The following PARP10 variants were observed in gnomAD, a reference collection of about 807,000 sequenced individuals.
The protein encoded by PARP10 is protein mono-ADP-ribosyltransferase PARP10.
Under a neutral mutation model 82.4 loss-of-function variants are expected in PARP10, and 56 were observed. The ratio of observed to expected loss-of-function variants is 0.68; its 90% CI spans 0.55 to 0.85. PARP10 has a LOEUF of 0.85. PARP10 is among the 40% of genes least tolerant of loss of function. PARP10 has a pLI of 0.00. For synonymous variants in PARP10, 576 were observed against 601.1 expected, an observed-to-expected ratio of 0.96 and a Z score of 0.61; for missense variants, 1,227 against 1,379.4, an observed-to-expected ratio of 0.89 and a Z score of 1.75.
chr8:143,986,796 C>G (rs1833999588), upstream of PARP10: 1 of 258,634 alleles, frequency 3.9e-6, no homozygotes, highest in Admixed American at 5.0e-5. Context: ...GATCTCCAAG[C>G]CTCTGTGTCC....
chr8:143,994,039 G>A (rs1332249966), upstream of PARP10, among the ~76,000 whole-genome samples: 3 of 152,218 alleles, frequency 2.0e-5, no homozygotes, highest in Non-Finnish European at 4.4e-5. Flanking sequence ...TCCATTGCCT[G>A]GGACCTGGCT....
intron 1 of PARP10, among the ~76,000 whole-genome samples, chr8:143,997,729 G>C (rs1834173364): frequency 6.6e-6 from 1 of 151,654 alleles, no homozygotes; most frequent in Admixed American, 6.6e-5. Context: ...TTTTTTCCCA[G>C]CAGTAACTGA....
upstream of PARP10, chr8:143,991,945 C>T (rs200050797): frequency 8.1e-6 from 13 of 1,613,632 alleles, no homozygotes; most frequent in Middle Eastern, 1.7e-4. Context: ...ACTTTTGTTG[C>T]GGAGGTGAAG....
intron 9 of PARP10, among the ~76,000 whole-genome samples, chr8:143,980,319 CAAAAAAAAAAAAA>C (rs564801582): frequency 1.7e-3 from 27 of 16,094 alleles, no homozygotes; most frequent in Middle Eastern, 0.071. Flanking sequence ...GATTCCGTCT[CAAAAAAAAAAAAA>C]AAAAAAAAAA....
chr8:143,986,047 C>T lies in PARP10; in HGVS notation c.181+8G>A. On this transcript the variant is annotated splice_region_variant and intron_variant, in intron 2 of 10. Coordinates refer to ENST00000313028, the MANE Select transcript of PARP10 (RefSeq NM_032789.5). Reference sequence around the variant, plus strand: ...CACCCAGGCTGTCCCTTCAGCCAGCCCTCTCACCTGCAGGCTCTCTGAAGG... The same window carrying T: ...CACCCAGGCTGTCCCTTCAGCCAGCTCTCTCACCTGCAGGCTCTCTGAAGG... 1.2e-6 allele frequency: 2 copies of T among 1,612,358 alleles called. No homozygotes were observed. Among genetic ancestry groups the T allele is most frequent in the Non-Finnish European group, 1.7e-6 (2 of 1,178,662 alleles).
chr8:143,991,703 G>A (rs1269245340), upstream of PARP10: 2 of 1,612,668 alleles, frequency 1.2e-6, no homozygotes, highest in African/African-American at 2.7e-5. Context: ...ACCCCAGCAT[G>A]GAAACTACCA....
chr8:143,988,584 G>GC (rs781476530), upstream of PARP10, among the ~76,000 whole-genome samples: 7 of 151,490 alleles, frequency 4.6e-5, no homozygotes, highest in South Asian at 2.1e-4. Flanking sequence ...TCCTGCCTCA[G>GC]CCCCCCCAAT....
At position 143,999,097 on chromosome 8, in the gene PARP10, A is replaced by G. The variant is rs1045512508; in HGVS notation, c.-79-12659T>C. The stretch of plus-strand genomic sequence containing the variant: ...GTCTCTGTTGACCATGCTGGAGTAC[A>G]GCGGCACAGTCATGGCTCACTGCAG... On this transcript the variant is annotated intron_variant, in intron 1 of 3. Coordinates refer to the PARP10 transcript ENST00000530478. 2.9e-4 allele frequency among the ~76,000 whole-genome samples: 43 copies of G among 150,840 alleles called. 1 individual carries two copies. The highest frequency in any genetic ancestry group is 8.6e-4 in the African/African-American group (35 of 40,888).
At position 143,985,209 on chromosome 8, in the gene PARP10, G is replaced by C. The variant is rs1449978166; in HGVS notation, c.793C>G (p.Pro265Ala). 6.2e-7 allele frequency: 1 copy of C among 1,614,122 alleles called. No homozygotes were observed. The highest frequency in any genetic ancestry group is 2.2e-5 in the East Asian group (1 of 44,878). Residue 265 changes from proline to alanine, a missense_variant, in exon 5 of 11, where the codon CCG (proline) becomes GCG (alanine). Physicochemically the swap from Pro to Ala is conservative, Grantham distance 27. Transcript: ENST00000313028. ...GTAGCCCTAGGCCCCTGGGTGGACG[G>C]GTGGTCCCCTCCACTGGTGTTCTCA... ...LAENTSGGDHPSTQGPRATKH... is the reference protein window; with the variant it reads ...LAENTSGGDHASTQGPRATKH...
At position 143,985,011 on chromosome 8, in the gene PARP10, A is replaced by G. The variant is rs200095253; in HGVS notation, c.991T>C (p.Ser331Pro). The G allele has an allele frequency of 7.6e-5, 122 of 1,613,750 alleles. No individual in the cohort carries two copies. Among genetic ancestry groups the G allele is most frequent in the Non-Finnish European group, 1.0e-4 (119 of 1,179,976 alleles). Residue 331 changes from serine to proline, a missense_variant, in exon 5 of 11, where the codon TCA (serine) becomes CCA (proline). Transcript: ENST00000313028. ...TTGSGQEPGQ[S>P]GTSLRTGPMG... ...GGACCTGTCCTCAGAGAGGTCCCTG[A>G]CTGCCCTGGTTCCTGGCCAGAGCCT...
Position 143,985,209 on chromosome 8 carries a change from G to T in PARP10, c.793C>A (p.Pro265Thr), listed in dbSNP as rs1449978166. The change falls in exon 5 of 11, where the codon CCG (proline) becomes ACG (threonine). Residue 265 changes from proline (P) to threonine (T), a missense_variant. Physicochemically the swap from Pro to Thr is conservative, Grantham distance 38. Transcript: ENST00000313028. ...LAENTSGGDH[P>T]STQGPRATKH... ...GTAGCCCTAGGCCCCTGGGTGGACG[G>T]GTGGTCCCCTCCACTGGTGTTCTCA... The T allele has an allele frequency of 3.7e-6, 6 of 1,614,004 alleles. No homozygotes were observed. Among genetic ancestry groups the T allele is most frequent in the Non-Finnish European group, 5.1e-6 (6 of 1,180,036 alleles).
chr8:143,992,305 G>A (rs1285614418), upstream of PARP10: 4 of 1,589,132 alleles, frequency 2.5e-6, no homozygotes, highest in Admixed American at 1.7e-5. Flanking sequence ...CTACAACACC[G>A]AGGCAGTCAT....
Position 143,984,297 on chromosome 8 carries a change from G to T in PARP10, c.1593C>A (p.His531Gln). Residue 531 changes from histidine to glutamine, a missense_variant, in exon 6 of 11, where the codon CAC becomes CAA. By Grantham distance (24) the His-to-Gln change is conservative. Transcript: ENST00000313028. ...ACTGAGCCTCCAGCCCCTGGAGAAGGTGCTGCCCTTCTGGGCCCAGGAGAA... is the reference window on the plus strand; with the variant it reads ...ACTGAGCCTCCAGCCCCTGGAGAAGTTGCTGCCCTTCTGGGCCCAGGAGAA... ...ARFLLGPEGQ[H>Q]LLQGLEAQFQ... The T allele has an allele frequency of 6.2e-7, 1 of 1,614,048 alleles. No homozygotes were observed. Among genetic ancestry groups the T allele is most frequent in the East Asian group, 2.2e-5 (1 of 44,880 alleles).
upstream of PARP10, among the ~76,000 whole-genome samples, chr8:143,994,449 G>A (rs1057240945): frequency 4.6e-5 from 7 of 152,000 alleles, no homozygotes; most frequent in South Asian, 2.1e-4. Flanking sequence ...TGCACTACCC[G>A]CCTGCCTAAA....
upstream of PARP10, chr8:143,992,482 C>A: frequency 6.2e-7 from 1 of 1,614,162 alleles, no homozygotes; most frequent in South Asian, 1.1e-5. Flanking sequence ...ACGACTTCAC[C>A]TCATGCATGG....
At chr8:143,996,561 T>G (rs1025129236) in intron 1 of PARP10, among the ~76,000 whole-genome samples, 79 of 152,294 alleles carry the variant, frequency 5.2e-4, no homozygotes, top group African/African-American at 1.6e-3. Flanking sequence ...CTCTGTGAGT[T>G]TTAACATCCA....
rs1324064790 is a variant in PARP10 at position 143,977,452 on chromosome 8, G to A, written c.*32C>T. 7 of 1,495,342 alleles carry A rather than the reference G, an allele frequency of 4.7e-6. No homozygotes were observed. In the African/African-American group the frequency reaches 9.7e-5, roughly 21 times the overall value. The allele number at this position is 1,495,342 out of a possible 1,614,324, so 92.6% of individuals were successfully genotyped here. On this transcript the variant is annotated 3_prime_UTR_variant, in exon 11 of 11. Transcript: ENST00000313028. Reference sequence around the variant, plus strand: ...CAGCCTGTGCGGAGCTGGGAGCCTGGGAAGCAGGAGGCCAGAGGGTGGCCC... The same window carrying A: ...CAGCCTGTGCGGAGCTGGGAGCCTGAGAAGCAGGAGGCCAGAGGGTGGCCC...
At chr8:143,993,952 G>A (rs782040137), upstream of PARP10, among the ~76,000 whole-genome samples, 3 of 152,196 alleles carry the variant, frequency 2.0e-5, no homozygotes, top group Non-Finnish European at 2.9e-5. Flanking sequence ...GCCCAGGCCC[G>A]GTCCTTTGGA....
intron 1 of PARP10, among the ~76,000 whole-genome samples, chr8:143,998,312 G>T (rs188289235): frequency 1.3e-5 from 2 of 152,234 alleles, no homozygotes; most frequent in African/African-American, 4.8e-5. Context: ...CTTGGACCAG[G>T]GGCAGATGTG....
Sources: allele counts gnomAD v4.1 joint callset (sites outside exome capture counted in the v4.1 genomes callset), GRCh38; gene constraint gnomAD v4.1.1; transcripts MANE v1.5; gene names NCBI Gene and HGNC (gene_info 2026-07-23, HGNC 2026-07-21).